NEDD9: variants seen among roughly 807,000 people sequenced by gnomAD.
The protein encoded by NEDD9 is enhancer of filamentation 1.
A neutral mutation model predicts 76.6 loss-of-function variants in NEDD9; 26 were observed. That is an observed-to-expected ratio of 0.34 (90% CI 0.25 to 0.47). The LOEUF is 0.47. Among genes scored for constraint, NEDD9 ranks in the 20% least tolerant of loss-of-function variants. NEDD9 has a pLI of 1.00. For synonymous variants in NEDD9, 392 were observed against 414.2 expected, an observed-to-expected ratio of 0.95 and a Z score of 0.65; for missense variants, 937 against 1,058.5, an observed-to-expected ratio of 0.89 and a Z score of 1.59.
chr6:11,290,382 T>C (rs192937234), intron 3 of NEDD9, among the ~76,000 whole-genome samples: 2 of 152,338 alleles, frequency 1.3e-5, no homozygotes, highest in Admixed American at 1.3e-4. Context: ...AGTATGTGAC[T>C]TCTGGCCTCC....
chr6:11,245,739 TTTG>T (rs1456846359), intron 3 of NEDD9, among the ~76,000 whole-genome samples: 1 of 152,202 alleles, frequency 6.6e-6, no homozygotes, highest in Non-Finnish European at 1.5e-5. Context: ...AAGTGCTACA[TTTG>T]ATTTGTGGAA....
intron 1 of NEDD9, among the ~76,000 whole-genome samples, chr6:11,378,732 T>C (rs746772132): frequency 1.3e-5 from 2 of 152,086 alleles, no homozygotes; most frequent in African/African-American, 2.4e-5. Flanking sequence ...AAGTAGAGGG[T>C]TTTGTAGCTG....
intron 1 of NEDD9, among the ~76,000 whole-genome samples, chr6:11,229,939 C>T (rs1759422205): frequency 6.6e-6 from 1 of 152,198 alleles, no homozygotes; most frequent in South Asian, 2.1e-4. Flanking sequence ...ATCCCTGGGG[C>T]AGCCAAACCA....
intron 2 of NEDD9, among the ~76,000 whole-genome samples, chr6:11,331,376 G>C (rs1244646215): frequency 6.6e-6 from 1 of 151,714 alleles, no homozygotes; most frequent in East Asian, 1.9e-4. Flanking sequence ...AACAGGGTGA[G>C]GCGGGGGTGG....
intron 1 of NEDD9, among the ~76,000 whole-genome samples, chr6:11,216,806 A>G (rs1758968008): frequency 1.3e-5 from 2 of 152,198 alleles, no homozygotes; most frequent in African/African-American, 4.8e-5. Context: ...TTTGCAGTCC[A>G]GGCTTGGTCC....
chr6:11,334,346 A>G (rs181827478), intron 2 of NEDD9, among the ~76,000 whole-genome samples: 9 of 152,368 alleles, frequency 5.9e-5, no homozygotes, highest in African/African-American at 1.7e-4. Context: ...GTGAGTATGT[A>G]TTATCTTTTG....
intron 1 of NEDD9, among the ~76,000 whole-genome samples, chr6:11,334,772 G>A (rs1582036177): frequency 6.6e-6 from 1 of 152,256 alleles, no homozygotes; most frequent in East Asian, 1.9e-4. Context: ...TAAACAAAAA[G>A]CAAATTCAAG....
intron 3 of NEDD9, among the ~76,000 whole-genome samples, chr6:11,265,078 A>G (rs1447040446): frequency 6.6e-6 from 1 of 152,268 alleles, no homozygotes; most frequent in Non-Finnish European, 1.5e-5. Context: ...AGAAATGTCC[A>G]AAGTTCATCA....
intron 5 of NEDD9, among the ~76,000 whole-genome samples, chr6:11,188,821 T>C (rs886082815): frequency 1.3e-5 from 2 of 152,244 alleles, no homozygotes; most frequent in African/African-American, 2.4e-5. Context: ...TGCCACACTT[T>C]CTTGCGCTTG....
At chr6:11,349,380 A>G (rs1561843720) in intron 1 of NEDD9, among the ~76,000 whole-genome samples, 1 of 152,274 alleles carries the variant, frequency 6.6e-6, no homozygotes, top group Non-Finnish European at 1.5e-5. Flanking sequence ...AAAGGCCTAA[A>G]GACAGACATA....
intron 6 of NEDD9, among the ~76,000 whole-genome samples, chr6:11,187,362 T>G (rs1758004870): frequency 1.3e-5 from 2 of 152,208 alleles, no homozygotes; most frequent in African/African-American, 4.8e-5. Flanking sequence ...TAGTCGTCAT[T>G]ATCTCCCCTA....
At chr6:11,304,832 G>A (rs1214305135) in intron 3 of NEDD9, among the ~76,000 whole-genome samples, 1 of 152,132 alleles carries the variant, frequency 6.6e-6, no homozygotes, top group Non-Finnish European at 1.5e-5. Flanking sequence ...GGGAGATATA[G>A]CATTAGGAGA....
chr6:11,187,582 A>G (rs1758011240), intron 6 of NEDD9, among the ~76,000 whole-genome samples: 1 of 152,152 alleles, frequency 6.6e-6, no homozygotes, highest in South Asian at 2.1e-4. Flanking sequence ...AAATGGCCCA[A>G]TCAACGTGGC....
chr6:11,359,164 G>T (rs1310144212), intron 1 of NEDD9, among the ~76,000 whole-genome samples: 1 of 152,230 alleles, frequency 6.6e-6, no homozygotes, highest in Non-Finnish European at 1.5e-5. Context: ...GGCTAGAGGG[G>T]TTACAGAGAC....
At chr6:11,224,843 G>A (rs1367491268) in intron 1 of NEDD9, among the ~76,000 whole-genome samples, 1 of 152,138 alleles carries the variant, frequency 6.6e-6, no homozygotes, top group African/African-American at 2.4e-5. Flanking sequence ...TCTCCTGTGG[G>A]AGTGAGGCAT....
At chr6:11,326,601 A>G (rs1761934844) in intron 2 of NEDD9, among the ~76,000 whole-genome samples, 1 of 152,208 alleles carries the variant, frequency 6.6e-6, no homozygotes, top group African/African-American at 2.4e-5. Context: ...GGTGTTTTAC[A>G]TTGTATTTTT....
intron 1 of NEDD9, among the ~76,000 whole-genome samples, chr6:11,372,687 AT>A (rs200105753): frequency 1.5e-3 from 225 of 152,288 alleles, no homozygotes; most frequent in Middle Eastern, 6.8e-3. Flanking sequence ...CATATAAGCC[AT>A]TTTAACTGTG....
At chr6:11,288,719 A>G (rs1036496312) in intron 3 of NEDD9, among the ~76,000 whole-genome samples, 1 of 152,132 alleles carries the variant, frequency 6.6e-6, no homozygotes, top group Non-Finnish European at 1.5e-5. Flanking sequence ...CTTTCATCCA[A>G]TCAGATAACA....
chr6:11,210,172 A>C (rs1404352343), intron 2 of NEDD9, among the ~76,000 whole-genome samples: 3 of 151,980 alleles, frequency 2.0e-5, no homozygotes, highest in Non-Finnish European at 4.4e-5. Flanking sequence ...CACCCACAAA[A>C]CTATGCAAGG....
Sources: allele counts gnomAD v4.1 joint callset (sites outside exome capture counted in the v4.1 genomes callset), GRCh38; gene constraint gnomAD v4.1.1; transcripts MANE v1.5; gene names NCBI Gene and HGNC (gene_info 2026-07-23, HGNC 2026-07-21).